The following RGP1 variants were observed in gnomAD, a reference collection of about 807,000 sequenced individuals.
RGP1 encodes the protein RGP1 partner of RAB6A GEF complex, also known as RAB6A-GEF complex partner protein 2.
In RGP1, 28 loss-of-function variants were observed where a neutral mutation model predicts 44.5. The observed-to-expected ratio is 0.63, with a 90% confidence interval of 0.47 to 0.86. The LOEUF is 0.86. Ranked by LOEUF, RGP1 falls within the 40% of genes least tolerant of loss-of-function variation. The probability of loss-of-function intolerance (pLI) is 0.00; values close to 1 mark genes in which losing one functional copy is unlikely to be tolerated. For synonymous variants in RGP1, 212 were observed against 196.7 expected, an observed-to-expected ratio of 1.08 and a Z score of -0.65; for missense variants, 417 against 490.7, an observed-to-expected ratio of 0.85 and a Z score of 1.42.
At chr9:35,788,425 G>C in the RGP1 span, among the ~76,000 whole-genome samples, 1 of 152,272 alleles carries the variant, frequency 6.6e-6, no homozygotes, top group East Asian at 1.9e-4. Flanking sequence ...AATTAGCTGG[G>C]CATGGTGGCG....
chr9:35,776,113 GTAGTGGGAGGTGTTCT>G, the RGP1 span, among the ~76,000 whole-genome samples: 1 of 152,138 alleles, frequency 6.6e-6, no homozygotes, highest in African/African-American at 2.4e-5. Context: ...GCTACCCTCA[GTAGTGGGAGGTGTTCT>G]TAGCTGTCAC....
At chr9:35,763,354 T>C (rs1290663722), downstream of RGP1, among the ~76,000 whole-genome samples, 3 of 152,242 alleles carry the variant, frequency 2.0e-5, no homozygotes, top group Non-Finnish European at 4.4e-5. Context: ...GAGTAATTAA[T>C]GGGCTATATA....
Position 35,754,615 on chromosome 9 carries a change from C to T in RGP1, c.*1741C>T, listed in dbSNP as rs1827331245. On this transcript the variant is annotated 3_prime_UTR_variant, in exon 9 of 9. Transcript: ENST00000378078. ...ACCAGGGGTGTGTATGCTGGGATCC[C>T]TGCCTGGACCGGAGGGAGGCATTTC... The T allele has an allele frequency of 6.5e-6, 1 of 153,008 alleles. No homozygotes were observed. The highest frequency in any genetic ancestry group is 2.4e-5 in the African/African-American group (1 of 41,584). 9.5% of individuals were successfully genotyped at this position (153,008 alleles called of 1,614,324 possible).
Position 35,754,012 on chromosome 9 carries a change from A to T in RGP1, c.*1138A>T, listed in dbSNP as rs573600564. ...CACCCCACTTTACCTTGAGCTTGGA[A>T]GTAGCACTTGCTGTAGACTCCTGGG... On this transcript the variant is annotated 3_prime_UTR_variant, in exon 9 of 9. Transcript: ENST00000378078. 3.1e-6 allele frequency: 5 copies of T among 1,613,280 alleles called. No homozygotes were observed. In the South Asian group the frequency reaches 5.5e-5, roughly 18 times the overall value.
At chr9:35,777,243 C>T in the RGP1 span, among the ~76,000 whole-genome samples, 2 of 149,738 alleles carry the variant, frequency 1.3e-5, no homozygotes, top group East Asian at 2.0e-4. Context: ...CTTTCTCCTG[C>T]CTCAGCCTCC....
At chr9:35,777,784 A>G in the RGP1 span, among the ~76,000 whole-genome samples, 1 of 151,976 alleles carries the variant, frequency 6.6e-6, no homozygotes, top group Non-Finnish European at 1.5e-5. Flanking sequence ...GATGTTTTTA[A>G]TCTCCTTGCT....
rs1466896862 is a variant in RGP1 at position 35,757,188 on chromosome 9, T to C, written c.*4314T>C. 1 of 151,096 alleles carries C rather than the reference T, an allele frequency of 6.6e-6. No individual in the cohort carries two copies. The highest frequency in any genetic ancestry group is 1.5e-5 in the Non-Finnish European group (1 of 67,758). The allele number at this position is 151,096 out of a possible 1,614,324, so 9.4% of individuals were successfully genotyped here. On this transcript the variant is annotated 3_prime_UTR_variant, in exon 9 of 9. Transcript: ENST00000378078. ...GCCCCCCCACCCCAACCCCGGCCGC[T>C]GGCCCTCTGGTGAGTCACAGCCGAC...
chr9:35,784,094 A>G, the RGP1 span, among the ~76,000 whole-genome samples: 1 of 152,166 alleles, frequency 6.6e-6, no homozygotes, highest in Admixed American at 6.5e-5. Flanking sequence ...TTCTTTTGAG[A>G]AATGTCTATT....
chr9:35,780,799 G>A, the RGP1 span, among the ~76,000 whole-genome samples: 1 of 152,044 alleles, frequency 6.6e-6, no homozygotes, highest in East Asian at 1.9e-4. Context: ...GGCTGAAGTG[G>A]GAGGATTGAT....
the RGP1 span, among the ~76,000 whole-genome samples, chr9:35,774,230 T>A: frequency 6.6e-6 from 1 of 152,190 alleles, no homozygotes; most frequent in Non-Finnish European, 1.5e-5. Context: ...CTCAGGAGAC[T>A]CAGCCTCAGC....
the RGP1 span, among the ~76,000 whole-genome samples, chr9:35,772,714 C>T: frequency 6.6e-6 from 1 of 151,060 alleles, no homozygotes; most frequent in Admixed American, 6.6e-5. Flanking sequence ...TGGCGTGAAC[C>T]TGGGAGGCGG....
rs3750437 is a variant in RGP1, at chr9:35,757,365, T to A, written c.*4491T>A. ...ACGGACACTGAACACAGTCTGACTG[T>A]ATGGAGGCAGGTGGGGAGGGATCCC... is the stretch of plus-strand genomic sequence containing the variant. On this transcript the variant is annotated 3_prime_UTR_variant, in exon 9 of 9. Transcript: ENST00000378078. 104,025 of 152,090 alleles carry A rather than the reference T, an allele frequency of 0.68. 35,711 individuals are homozygous for A. Among genetic ancestry groups the A allele is most frequent in the East Asian group, 0.83 (4,253 of 5,128 alleles). The allele number at this position is 152,090 out of a possible 1,614,324, so 9.4% of individuals were successfully genotyped here. A position where few individuals can be genotyped will look rare whatever the true frequency, so the allele number is the denominator to read the frequency against.
At chr9:35,784,066 G>A in the RGP1 span, among the ~76,000 whole-genome samples, 1 of 152,080 alleles carries the variant, frequency 6.6e-6, no homozygotes, top group Non-Finnish European at 1.5e-5. Flanking sequence ...TCATATACCT[G>A]TTGGCCATTT....
the RGP1 span, among the ~76,000 whole-genome samples, chr9:35,784,517 T>G: frequency 3.9e-5 from 6 of 152,320 alleles, no homozygotes; most frequent in Middle Eastern, 6.8e-3. Context: ...TGGCACTATT[T>G]CGGCTCACTG....
chr9:35,750,795 C>T (rs746523410), intron 4 of RGP1, 45 bp from the exon 5 acceptor site: 1 of 1,613,774 alleles, frequency 6.2e-7, no homozygotes. Context: ...GGAGGGAGGA[C>T]TCCTCTGGTG....
the RGP1 span, among the ~76,000 whole-genome samples, chr9:35,772,790 C>CAAA: frequency 1.9e-5 from 2 of 107,634 alleles, no homozygotes; most frequent in Non-Finnish European, 4.0e-5. Context: ...GACTCTGTCT[C>CAAA]AAAAAAAAAA....
In RGP1 at chr9:35,751,392, C is replaced by T. The variant is rs886459614; in HGVS notation, c.614C>T (p.Ala205Val). Reference sequence around the variant, plus strand: ...CTGGCTGGGGAACGCCTAATGGCTGCCACATCCTGCCGCAGCCTCCGTGAG... The same window carrying T: ...CTGGCTGGGGAACGCCTAATGGCTGTCACATCCTGCCGCAGCCTCCGTGAG... ...AELAGERLMA[A>V]TSCRSLHLYN... is the part of the protein sequence containing the mutation. Residue 205 changes from alanine (A) to valine (V), a missense_variant, in exon 6 of 9, where the codon GCC becomes GTC. Ala to Val is a moderately conservative substitution (Grantham distance 64, BLOSUM62 0). Coordinates refer to ENST00000378078, the MANE Select transcript of RGP1 (RefSeq NM_001080496.3). The T allele has an allele frequency of 6.2e-7, 1 of 1,613,986 alleles. No homozygotes were observed. The highest frequency in any genetic ancestry group is 1.1e-5 in the South Asian group (1 of 91,080).
the RGP1 span, among the ~76,000 whole-genome samples, chr9:35,770,195 G>C: frequency 6.6e-6 from 1 of 152,228 alleles, no homozygotes; most frequent in Non-Finnish European, 1.5e-5. Flanking sequence ...GCAAGGCTTA[G>C]ATGTGGAGAG....
At chr9:35,751,062 C>A in intron 5 of RGP1, 73 bp downstream of exon 5, 2 of 1,570,240 alleles carry the variant, frequency 1.3e-6, no homozygotes, top group East Asian at 2.2e-5. Flanking sequence ...AGAGGGCTTG[C>A]AAGAGGGACT....
Sources: gnomAD v4.1 joint callset for allele counts (sites outside exome capture counted in the v4.1 genomes callset) on GRCh38, gnomAD v4.1.1 for gene constraint, MANE v1.5 for transcripts, NCBI Gene and HGNC (gene_info 2026-07-23, HGNC 2026-07-21) for gene names.